AIF1L: variants seen among roughly 807,000 people sequenced by gnomAD.
The protein encoded by AIF1L is allograft inflammatory factor 1-like.
AIF1L carries 12 observed loss-of-function variants against 20.7 expected under a neutral mutation model. That is an observed-to-expected ratio of 0.58 (90% confidence interval 0.37 to 0.94). AIF1L has a LOEUF of 0.94. Among genes scored for constraint, AIF1L ranks in the 40% least tolerant of loss-of-function variants. The probability of loss-of-function intolerance (pLI) is 0.01; values close to 1 mark genes in which losing one functional copy is unlikely to be tolerated. For missense variants in AIF1L, 173 were observed against 185.3 expected (o/e 0.93, Z 0.39); for synonymous variants, 76 against 65.1 (o/e 1.17, Z -0.81).
rs547699379 is a variant in AIF1L at position 131,112,630 on chromosome 9, GA to G, written c.160+968del. 5.3e-5 allele frequency among the ~76,000 whole-genome samples: 8 copies of G among 152,290 alleles called. No individual in the cohort carries two copies. In the South Asian group the frequency reaches 1.7e-3, roughly 32 times the overall value. On this transcript the variant is annotated intron_variant, in intron 3 of 5. Coordinates refer to ENST00000247291, the MANE Select transcript of AIF1L (RefSeq NM_031426.4). ...TGGAGGGCGGGGTTGTTGGCATGGGGACACATAGCTCGCCTAGGGCAGAGTT... is the reference window on the plus strand; with the variant it reads ...TGGAGGGCGGGGTTGTTGGCATGGGGCACATAGCTCGCCTAGGGCAGAGTT...
chr9:131,111,448 G>A (rs1310193894), intron 2 of AIF1L, 149 bp from the exon 3 acceptor site: 2 of 714,758 alleles, frequency 2.8e-6, no homozygotes, highest in South Asian at 1.7e-5. Flanking sequence ...CCTCCAAGGG[G>A]CGACAGGAAG....
chr9:131,097,104 G>A (rs1200248808), intron 2 of AIF1L, among the ~76,000 whole-genome samples: 1 of 151,924 alleles, frequency 6.6e-6, no homozygotes, highest in Non-Finnish European at 1.5e-5. Context: ...TGGGGACTGG[G>A]GAGGTGGGGC....
intron 2 of AIF1L, among the ~76,000 whole-genome samples, 199 bp downstream of exon 2, chr9:131,097,062 G>A (rs972339019): frequency 2.7e-5 from 4 of 150,490 alleles, no homozygotes; most frequent in African/African-American, 9.8e-5. Flanking sequence ...TCCCGCCTCC[G>A]GTCTCGGGTT....
intron 5 of AIF1L, among the ~76,000 whole-genome samples, chr9:131,118,371 G>A (rs1289783279): frequency 6.6e-6 from 1 of 152,058 alleles, no homozygotes; most frequent in African/African-American, 2.4e-5. Flanking sequence ...AGGATTATAG[G>A]CGTGAGCCAC....
chr9:131,104,043 G>T (rs1830691481), intron 2 of AIF1L, among the ~76,000 whole-genome samples: 1 of 152,156 alleles, frequency 6.6e-6, no homozygotes, highest in Non-Finnish European at 1.5e-5. Flanking sequence ...CACCTCCCAG[G>T]CCCCAGCCTT....
chr9:131,119,080 T>C (rs978654581), intron 5 of AIF1L, among the ~76,000 whole-genome samples: 8 of 152,248 alleles, frequency 5.3e-5, no homozygotes, highest in Admixed American at 3.3e-4. Context: ...ATGACACTTA[T>C]GAAGATTTCA....
chr9:131,111,793 C>T, intron 3 of AIF1L, 130 bp downstream of exon 3: 1 of 937,976 alleles, frequency 1.1e-6, no homozygotes, highest in East Asian at 2.5e-5. Context: ...GCCCTTCTTC[C>T]TGGAGAAGGC....
intron 4 of AIF1L, among the ~76,000 whole-genome samples, chr9:131,115,449 C>CAAAAAAAAAA (rs746698091): frequency 1.5e-4 from 9 of 60,398 alleles, no homozygotes; most frequent in African/African-American, 4.2e-4. Flanking sequence ...GATTCTGTCT[C>CAAAAAAAAAA]AAAAAAAAAA....
At position 131,121,059 on chromosome 9, in the gene AIF1L, G is replaced by C. The variant is rs1012140028; in HGVS notation, c.*737G>C. ...AGCAGAGGGCTTCGGAGGCAGAAGT[G>C]AGGCCTGGGGTTTTGGGGGAAAGGT... On this transcript the variant is annotated 3_prime_UTR_variant, in exon 6 of 6. Coordinates refer to ENST00000247291, the MANE Select transcript of AIF1L (RefSeq NM_031426.4). 6 of 693,974 alleles carry C rather than the reference G, an allele frequency of 8.6e-6. No homozygotes were observed. The African/African-American group carries it at 1.2e-4, about 14-fold the overall frequency. 43.0% of individuals were successfully genotyped at this position (693,974 alleles called of 1,614,324 possible).
chr9:131,121,756 G>C lies in AIF1L; in HGVS notation c.*1434G>C, dbSNP rs1208205183. ...CTCTGAAGACCCTGGTCCAGGATTCGCCCTCTCCCATGCCTTCAAGTCAGC... is the reference window on the plus strand; with the variant it reads ...CTCTGAAGACCCTGGTCCAGGATTCCCCCTCTCCCATGCCTTCAAGTCAGC... On this transcript the variant is annotated 3_prime_UTR_variant, in exon 6 of 6. Transcript: ENST00000247291. 6.6e-6 allele frequency: 1 copy of C among 152,248 alleles called. No homozygotes were observed. The highest frequency in any genetic ancestry group is 1.5e-5 in the Non-Finnish European group (1 of 68,054). The allele number at this position is 152,248 out of a possible 1,614,324, so 9.4% of individuals were successfully genotyped here. A position where few individuals can be genotyped will look rare whatever the true frequency, so the allele number is the denominator to read the frequency against.
intron 5 of AIF1L, among the ~76,000 whole-genome samples, chr9:131,118,174 C>T (rs753137055): frequency 1.8e-4 from 27 of 152,066 alleles, no homozygotes; most frequent in Non-Finnish European, 4.4e-5. Context: ...CTCACTGCAA[C>T]CTCCGCCTCC....
At chr9:131,113,161 G>C (rs1365335902) in intron 3 of AIF1L, among the ~76,000 whole-genome samples, 1 of 151,974 alleles carries the variant, frequency 6.6e-6, no homozygotes, top group Non-Finnish European at 1.5e-5. Context: ...AATGAGGGAG[G>C]GAGGACAGGA....
intron 2 of AIF1L, among the ~76,000 whole-genome samples, chr9:131,107,222 A>G (rs1328810888): frequency 5.3e-5 from 8 of 152,230 alleles, no homozygotes; most frequent in African/African-American, 1.9e-4. Flanking sequence ...GGTGCAGCCC[A>G]GGGCAATCTT....
chr9:131,122,769 G>C lies in AIF1L; in HGVS notation c.*2447G>C, dbSNP rs890562097. 2 of 152,266 alleles carry C rather than the reference G, an allele frequency of 1.3e-5. No individual in the cohort carries two copies. Among genetic ancestry groups the C allele is most frequent in the South Asian group, 2.1e-4 (1 of 4,832 alleles). 9.4% of individuals were successfully genotyped at this position (152,266 alleles called of 1,614,324 possible). ...TCTCATTGAATGGGGGTGGGGGCTC[G>C]TGTGTCCTGGGAAACCCCATCAGTC... On this transcript the variant is annotated 3_prime_UTR_variant, in exon 6 of 6. Transcript: ENST00000247291.
intron 3 of AIF1L, among the ~76,000 whole-genome samples, chr9:131,112,948 C>A (rs10123550): frequency 0.054 from 8,210 of 152,164 alleles, 716 homozygotes; most frequent in African/African-American, 0.19. Flanking sequence ...GAAGTTACAT[C>A]ATTCACTCAT....
At chr9:131,099,997 G>C (rs1354204926) in intron 2 of AIF1L, among the ~76,000 whole-genome samples, 1 of 152,000 alleles carries the variant, frequency 6.6e-6, no homozygotes, top group African/African-American at 2.4e-5. Flanking sequence ...AAAGTGCTAG[G>C]ATTACAGGCG....
Position 131,121,228 on chromosome 9 carries a change from C to G in AIF1L, c.*906C>G. ...AGGTTGCTTGTCTGACCCCAATCTG[C>G]TTGAAACCTGACTCTGCTTCTCTCA... is the stretch of plus-strand genomic sequence containing the variant. On this transcript the variant is annotated 3_prime_UTR_variant, in exon 6 of 6. Transcript: ENST00000247291. 1.5e-6 allele frequency: 1 copy of G among 650,940 alleles called. No homozygotes were observed. The highest frequency in any genetic ancestry group is 2.9e-6 in the Non-Finnish European group (1 of 350,018). 40.3% of individuals were successfully genotyped at this position (650,940 alleles called of 1,614,324 possible).
chr9:131,112,710 G>A (rs988801633), intron 3 of AIF1L, among the ~76,000 whole-genome samples: 7 of 152,138 alleles, frequency 4.6e-5, no homozygotes, highest in Admixed American at 1.3e-4. Context: ...CAACTGTTAC[G>A]CTATGATGCT....
chr9:131,099,872 G>T (rs933753691), intron 2 of AIF1L, among the ~76,000 whole-genome samples: 1 of 151,320 alleles, frequency 6.6e-6, no homozygotes, highest in African/African-American at 2.4e-5. Context: ...GACTACAGGC[G>T]CTTGCCACCA....
Sources: gnomAD v4.1 joint callset for allele counts (sites outside exome capture counted in the v4.1 genomes callset) on GRCh38, gnomAD v4.1.1 for gene constraint, MANE v1.5 for transcripts, NCBI Gene and HGNC (gene_info 2026-07-23, HGNC 2026-07-21) for gene names.